SMARCA2: variants seen among roughly 807,000 people sequenced by gnomAD.
SMARCA2 encodes the protein SWI/SNF related BAF chromatin remodeling complex subunit ATPase 2.
A neutral mutation model predicts 199.8 loss-of-function variants in SMARCA2; 61 were observed. The observed-to-expected ratio is 0.31, with a 90% CI of 0.25 to 0.38. The LOEUF is 0.38. Ranked by LOEUF, SMARCA2 falls within the 10% of genes least tolerant of loss-of-function variation. The pLI is 1.00. For synonymous variants in SMARCA2, 935 were observed against 732.0 expected (o/e 1.28, Z -4.48); for missense variants, 1,344 against 2,012.2 (o/e 0.67, Z 6.35).
At chr9:2,043,169 T>G (rs981108804) in intron 4 of SMARCA2, 2 of 152,256 alleles carry the variant, frequency 1.3e-5, no homozygotes, top group Admixed American at 6.5e-5. Flanking sequence ...CCCATTTTGC[T>G]TCTGTTCCAT....
rs532307886 is a variant in SMARCA2, at chr9:2,085,314, G to A, written c.2526+1118G>A. Among the ~76,000 whole-genome samples the A allele has an allele frequency of 2.6e-5, 4 of 152,294 alleles. No homozygotes were observed. In the East Asian group the frequency reaches 5.8e-4, roughly 22 times the overall value. Reference sequence around the variant, plus strand: ...AATTCATCTTGTGTCTTCTGCATATGTATTTCAAGATTCATTGGAGACGCC... The same window carrying A: ...AATTCATCTTGTGTCTTCTGCATATATATTTCAAGATTCATTGGAGACGCC... On this transcript the variant is annotated intron_variant, in intron 17 of 33. Transcript: ENST00000349721.
chr9:2,190,632 C>T (rs190262864), intron 32 of SMARCA2, among the ~76,000 whole-genome samples: 2 of 119,654 alleles, frequency 1.7e-5, no homozygotes, highest in Admixed American at 8.6e-5. Flanking sequence ...TGTAGAATCA[C>T]ACACACACAC....
chr9:2,120,050 C>T (rs1319788349), intron 26 of SMARCA2, among the ~76,000 whole-genome samples: 1 of 152,242 alleles, frequency 6.6e-6, no homozygotes, highest in African/African-American at 2.4e-5. Context: ...GCTAAAACAA[C>T]ACACAGGTGT....
intron 28 of SMARCA2, among the ~76,000 whole-genome samples, chr9:2,163,230 C>A (rs1270035087): frequency 6.6e-6 from 1 of 152,176 alleles, no homozygotes; most frequent in Non-Finnish European, 1.5e-5. Context: ...GAAATTCTTG[C>A]TCCATTTTGC....
At chr9:2,034,061 A>G (rs758440903) in intron 3 of SMARCA2, among the ~76,000 whole-genome samples, 1 of 152,090 alleles carries the variant, frequency 6.6e-6, no homozygotes, top group Non-Finnish European at 1.5e-5. Context: ...CCTGGTCAAC[A>G]TGGTGAAACC....
chr9:2,073,891 T>A (rs921860247), intron 12 of SMARCA2, among the ~76,000 whole-genome samples: 6 of 152,160 alleles, frequency 3.9e-5, no homozygotes, highest in African/African-American at 1.4e-4. Flanking sequence ...TGGCATTAAC[T>A]TGGGAGATGG....
intron 28 of SMARCA2, among the ~76,000 whole-genome samples, chr9:2,163,470 T>C (rs1825786460): frequency 6.6e-6 from 1 of 152,180 alleles, no homozygotes; most frequent in African/African-American, 2.4e-5. Flanking sequence ...CATGAATCAG[T>C]AACTCTTACG....
chr9:2,106,925 A>G (rs1278665363), intron 23 of SMARCA2, among the ~76,000 whole-genome samples: 1 of 152,216 alleles, frequency 6.6e-6, no homozygotes, highest in Admixed American at 6.5e-5. Flanking sequence ...AATTTTCAAC[A>G]CAGTTGCCCT....
chr9:2,089,000 G>T (rs1821931205), intron 19 of SMARCA2, among the ~76,000 whole-genome samples: 1 of 151,234 alleles, frequency 6.6e-6, no homozygotes, highest in Non-Finnish European at 1.5e-5. Flanking sequence ...CATTGAAGGG[G>T]GTGGTAAACA....
chr9:2,023,148 G>T, intron 1 of SMARCA2, among the ~76,000 whole-genome samples: 1 of 152,212 alleles, frequency 6.6e-6, no homozygotes, highest in Non-Finnish European at 1.5e-5. Flanking sequence ...GGGTGGTAAT[G>T]TTAAGAGCCA....
At chr9:2,113,059 ATTGTGAAGGTC>A (rs1823072707) in intron 24 of SMARCA2, among the ~76,000 whole-genome samples, 1 of 152,210 alleles carries the variant, frequency 6.6e-6, no homozygotes, top group Admixed American at 6.5e-5. Context: ...CAAAATGAAA[ATTGTGAAGGTC>A]TTTGTATCAG....
In SMARCA2 at chr9:2,121,377, T is replaced by A. The variant is rs190099745; in HGVS notation, c.3762+1842T>A. On this transcript the variant is annotated intron_variant, in intron 26 of 33. Coordinates refer to ENST00000349721, the MANE Select transcript of SMARCA2 (RefSeq NM_003070.5). ...ATTTTGTGAATTTTCTGCTGGTTTC[T>A]TAAAGGCTGGCTTCTATTTTGAGGA... Among the ~76,000 whole-genome samples the A allele has an allele frequency of 1.4e-3, 210 of 152,380 alleles. 1 individual carries two copies. Among genetic ancestry groups the A allele is most frequent in the Non-Finnish European group, 1.0e-3 (68 of 68,036 alleles).
chr9:2,188,759 T>G (rs7847789), intron 32 of SMARCA2, among the ~76,000 whole-genome samples: 86,708 of 152,002 alleles, frequency 0.57, 24,959 homozygotes, highest in Admixed American at 0.61. Context: ...GATCAATGTG[T>G]CAGCAGCCTG....
intron 27 of SMARCA2, among the ~76,000 whole-genome samples, chr9:2,142,751 T>C (rs1036611692): frequency 3.9e-5 from 6 of 152,338 alleles, no homozygotes; most frequent in Non-Finnish European, 8.8e-5. Context: ...TTGCCCCATT[T>C]CTCTGGCTTA....
At chr9:2,047,629 C>T (rs970869714) in intron 5 of SMARCA2, 145 bp downstream of exon 5, 8 of 1,022,840 alleles carry the variant, frequency 7.8e-6, no homozygotes, top group Non-Finnish European at 8.8e-6. Flanking sequence ...ACTCCTGGGG[C>T]CTTCCCGGTG....
chr9:2,105,508 C>T (rs1335925425), intron 23 of SMARCA2, among the ~76,000 whole-genome samples: 1 of 152,118 alleles, frequency 6.6e-6, no homozygotes, highest in Non-Finnish European at 1.5e-5. Context: ...CCTGCCTCGG[C>T]CTCCCACAGT....
At chr9:2,063,225 T>C (rs1236992291) in intron 9 of SMARCA2, among the ~76,000 whole-genome samples, 1 of 152,216 alleles carries the variant, frequency 6.6e-6, no homozygotes, top group African/African-American at 2.4e-5. Context: ...CCCTTAGCCC[T>C]TCCTGGTACC....
At chr9:2,168,988 C>T (rs186547585) in intron 28 of SMARCA2, among the ~76,000 whole-genome samples, 53 of 152,314 alleles carry the variant, frequency 3.5e-4, no homozygotes, top group East Asian at 1.5e-3. Context: ...TCCCGTCACT[C>T]GTGCACATTC....
rs5895957 is a variant in SMARCA2, at chr9:2,115,149, C to CA, written c.3457-673_3457-672insA. Among the ~76,000 whole-genome samples, 53,183 of 151,816 alleles carry CA rather than the reference C, an allele frequency of 0.35. 13,160 individuals are homozygous for CA. The highest frequency in any genetic ancestry group is 0.71 in the African/African-American group (29,340 of 41,364). The stretch of plus-strand genomic sequence containing the variant: ...TGATTATTTGTTTAGGATACATTTC[C>CA]GAAGTAATATTTCTAAGTCGGAGAC... On this transcript the variant is annotated intron_variant, in intron 24 of 33. Coordinates refer to ENST00000349721, the MANE Select transcript of SMARCA2 (RefSeq NM_003070.5). The surrounding 1 kb of genome is among the most constrained non-coding windows in gnomAD (Gnocchi z 6.0).
Sources: allele counts gnomAD v4.1 joint callset (sites outside exome capture counted in the v4.1 genomes callset), GRCh38; gene constraint gnomAD v4.1.1; non-coding constraint Gnocchi (gnomAD v3.1); transcripts MANE v1.5; gene names NCBI Gene and HGNC (gene_info 2026-07-23, HGNC 2026-07-21).